ZHX1: variants seen among roughly 807,000 people sequenced by gnomAD.
The protein encoded by ZHX1 is zinc fingers and homeoboxes 1, also known as zinc fingers and homeoboxes protein 1.
ZHX1 carries 20 observed loss-of-function variants against 61.8 expected under a neutral mutation model. That is an observed-to-expected ratio of 0.32 (90% CI 0.23 to 0.47). ZHX1 has a LOEUF of 0.47. ZHX1 is among the 20% of genes least tolerant of loss of function. The pLI, the probability that ZHX1 is intolerant of heterozygous loss-of-function variation, is 1.00. For missense variants in ZHX1, 800 were observed against 1,034.8 expected (o/e 0.77, Z 3.11); for synonymous variants, 318 against 352.6 (o/e 0.90, Z 1.10).
At chr8:123,262,561 G>A (rs1826308718) in intron 2 of ZHX1, among the ~76,000 whole-genome samples, 1 of 152,036 alleles carries the variant, frequency 6.6e-6, no homozygotes, top group African/African-American at 2.4e-5. Flanking sequence ...TGCCCAGGCT[G>A]GTCTTGAACT....
At chr8:123,259,648 T>C (rs975175029) in intron 2 of ZHX1, among the ~76,000 whole-genome samples, 10 of 152,204 alleles carry the variant, frequency 6.6e-5, no homozygotes, top group African/African-American at 2.4e-4. Flanking sequence ...TAAAGGGAAT[T>C]GTTGAAAGGC....
intron 2 of ZHX1, among the ~76,000 whole-genome samples, chr8:123,262,446 A>G (rs1308978088): frequency 6.6e-6 from 1 of 152,204 alleles, no homozygotes; most frequent in Non-Finnish European, 1.5e-5. Flanking sequence ...AAAAATGAAA[A>G]TTTCACGAGA....
At chr8:123,260,948 G>A (rs1002209169) in intron 2 of ZHX1, among the ~76,000 whole-genome samples, 1 of 152,148 alleles carries the variant, frequency 6.6e-6, no homozygotes, top group Non-Finnish European at 1.5e-5. Flanking sequence ...CTTGAATCCG[G>A]GAGGTGGAGG....
chr8:123,258,427 A>T (rs1253165533), intron 2 of ZHX1, among the ~76,000 whole-genome samples: 1 of 152,242 alleles, frequency 6.6e-6, no homozygotes, highest in Non-Finnish European at 1.5e-5. Flanking sequence ...AGCTCTGGGT[A>T]TTCCTTTATA....
chr8:123,263,700 G>A (rs1826360379), intron 2 of ZHX1, among the ~76,000 whole-genome samples: 1 of 152,154 alleles, frequency 6.6e-6, no homozygotes, highest in Non-Finnish European at 1.5e-5. Context: ...TGAGTGTGGT[G>A]ATGGGTGCCT....
At chr8:123,265,954 A>G (rs1188613988) in intron 2 of ZHX1, among the ~76,000 whole-genome samples, 1 of 152,172 alleles carries the variant, frequency 6.6e-6, no homozygotes, top group African/African-American at 2.4e-5. Context: ...TAATGACACT[A>G]AAGATTAAAA....
Position 123,254,647 on chromosome 8 carries a change from C to T in ZHX1, c.1300G>A (p.Ala434Thr), listed in dbSNP as rs200803962. 252 of 1,614,126 alleles carry T rather than the reference C, an allele frequency of 1.6e-4. 2 individuals carry two copies. Among genetic ancestry groups the T allele is most frequent in the Admixed American group, 3.0e-4 (18 of 60,012 alleles). Reference protein sequence around the residue: ...NNIQKSQVPAAQPTAETKPAT... With the variant: ...NNIQKSQVPATQPTAETKPAT... ...GGCTTTGTTTCTGCAGTAGGCTGAG[C>T]AGCAGGTACCTGACTTTTCTGTATA... The change falls in exon 3 of 4, where the codon GCT becomes ACT. Residue 434 changes from alanine to threonine, a missense_variant. Physicochemically the swap from Ala to Thr is moderately conservative, Grantham distance 58 (BLOSUM62 0). Transcript: ENST00000395571. This position sits in a 1 kb window ranked among gnomAD's most constrained non-coding sequence, Gnocchi z 4.1.
At chr8:123,267,165 T>C in intron 2 of ZHX1, 108 bp downstream of exon 2, 2 of 1,048,868 alleles carry the variant, frequency 1.9e-6, no homozygotes, top group East Asian at 2.7e-5. Flanking sequence ...TGTCTGCTGC[T>C]TTTTAAGGAA....
Position 123,254,093 on chromosome 8 carries a change from C to G in ZHX1, c.1854G>C (p.Glu618Asp). 6.2e-7 allele frequency: 1 copy of G among 1,614,098 alleles called. No homozygotes were observed. The highest frequency in any genetic ancestry group is 8.5e-7 in the Non-Finnish European group (1 of 1,180,030). Residue 618 changes from glutamate to aspartate, a missense_variant, in exon 3 of 4, where the codon GAG (glutamate) becomes GAC (aspartate). Coordinates refer to ENST00000395571, the MANE Select transcript of ZHX1 (RefSeq NM_007222.5). The surrounding 1 kb of genome is among the most constrained non-coding windows in gnomAD (Gnocchi z 4.1). ...TRREIDAWFT[E>D]KKKSKALKEE... is the part of the protein sequence containing the mutation. ...CCTTTAAAGCTTTTGATTTCTTCTT[C>G]TCTGTAAACCAAGCATCGATTTCTC... is the stretch of plus-strand genomic sequence containing the variant.
At chr8:123,256,821 T>TTCCTACTGGTCTATCTCATCA (rs1165506466) in intron 2 of ZHX1, among the ~76,000 whole-genome samples, 9 of 152,118 alleles carry the variant, frequency 5.9e-5, no homozygotes, top group African/African-American at 2.2e-4. Context: ...TGTCCTCTTC[T>TTCCTACTGGTCTATCTCATCA]TCCTACTGGT....
chr8:123,272,359 T>C (rs1042856584), intron 1 of ZHX1, among the ~76,000 whole-genome samples: 2 of 152,226 alleles, frequency 1.3e-5, no homozygotes, highest in African/African-American at 4.8e-5. Flanking sequence ...ATAAAATTAG[T>C]CTGCTTAGCC....
At chr8:123,269,070 C>T (rs572848703) in intron 1 of ZHX1, among the ~76,000 whole-genome samples, 1 of 152,254 alleles carries the variant, frequency 6.6e-6, no homozygotes, top group Admixed American at 6.5e-5. Context: ...TCTCTGTAGC[C>T]TGGGACTCTA....
In ZHX1 at chr8:123,255,696, A is replaced by G; in HGVS notation, c.251T>C (p.Met84Thr). 1.2e-6 allele frequency: 2 copies of G among 1,613,908 alleles called. No homozygotes were observed. Among genetic ancestry groups the G allele is most frequent in the Non-Finnish European group, 1.7e-6 (2 of 1,179,910 alleles). The part of the protein sequence containing the change: ...YCTFQTPDLN[M>T]FTFHVDSEHP... The stretch of plus-strand genomic sequence containing the variant: ...TTCCGAATCCACATGAAAAGTAAAC[A>G]TATTTAGATCTGGAGTTTGAAAAGT... Residue 84 changes from methionine (M) to threonine (T), a missense_variant, in exon 3 of 4, where the codon ATG (methionine) becomes ACG (threonine). By Grantham distance (81) the Met-to-Thr change is moderately conservative. Transcript: ENST00000395571.
rs762258094 is a variant in ZHX1 at position 123,254,637 on chromosome 8, G to A, written c.1310C>T (p.Thr437Ile). 23 of 1,614,074 alleles carry A rather than the reference G, an allele frequency of 1.4e-5. No individual in the cohort carries two copies. The African/African-American group carries it at 1.7e-4, about 12-fold the overall frequency. The change falls in exon 3 of 4, where the codon ACT (threonine) becomes ATT (isoleucine). Residue 437 changes from threonine to isoleucine, a missense_variant. Coordinates refer to ENST00000395571, the MANE Select transcript of ZHX1 (RefSeq NM_007222.5). This position sits in a 1 kb window ranked among gnomAD's most constrained non-coding sequence, Gnocchi z 4.1. Reference protein sequence around the residue: ...QKSQVPAAQPTAETKPATAAV... With the variant: ...QKSQVPAAQPIAETKPATAAV... ...TGCTGTTGCTGGCTTTGTTTCTGCA[G>A]TAGGCTGAGCAGCAGGTACCTGACT... is the stretch of plus-strand genomic sequence containing the variant.
chr8:123,263,788 C>G (rs1205086722), intron 2 of ZHX1, among the ~76,000 whole-genome samples: 3 of 151,756 alleles, frequency 2.0e-5, no homozygotes, highest in African/African-American at 7.3e-5. Flanking sequence ...GAGCCGAGAT[C>G]GCGCCACTGC....
In ZHX1 at chr8:123,255,548, C is replaced by T. The variant is rs180694739; in HGVS notation, c.399G>A (p.Leu133=). The T allele has an allele frequency of 1.4e-4, 224 of 1,612,996 alleles. 1 individual carries two copies. Among genetic ancestry groups the T allele is most frequent in the Middle Eastern group, 5.0e-4 (3 of 6,060 alleles). Residue 133 remains leucine (L), a synonymous_variant, in exon 3 of 4, where the codon TTG becomes TTA. Coordinates refer to ENST00000395571, the MANE Select transcript of ZHX1 (RefSeq NM_007222.5). ...TCTGGTTATTACGTTTCACCATAGT[C>T]AACTTAAAATTCTCTTCTCCTGGGT... ...KYHPGEENFK[L]TMVKRNNQTI...
intron 2 of ZHX1, among the ~76,000 whole-genome samples, 167 bp from the exon 3 acceptor site, chr8:123,256,338 C>T (rs1268427208): frequency 6.6e-6 from 1 of 152,150 alleles, no homozygotes; most frequent in Admixed American, 6.5e-5. Flanking sequence ...AAATAAATCT[C>T]TCCAGGCCAA....
Position 123,254,842 on chromosome 8 carries a change from C to G in ZHX1, c.1105G>C (p.Val369Leu). 1 of 1,614,170 alleles carries G rather than the reference C, an allele frequency of 6.2e-7. No individual in the cohort carries two copies. The highest frequency in any genetic ancestry group is 8.5e-7 in the Non-Finnish European group (1 of 1,180,024). The part of the protein sequence containing the change: ...TVHTVPQTIT[V>L]IPTHISTGSN... ...CCTGTGGAAATGTGTGTAGGAATAA[C>G]AGTTATGGTCTGAGGTACAGTATGC... The change falls in exon 3 of 4, where the codon GTT (valine) becomes CTT (leucine). Residue 369 changes from valine (V) to leucine (L), a missense_variant. Val to Leu is a conservative substitution (Grantham distance 32, BLOSUM62 1). Transcript: ENST00000395571. The surrounding 1 kb of genome is among the most constrained non-coding windows in gnomAD (Gnocchi z 4.1).
At chr8:123,268,074 G>A (rs1181267854) in intron 1 of ZHX1, among the ~76,000 whole-genome samples, 1 of 152,166 alleles carries the variant, frequency 6.6e-6, no homozygotes, top group Non-Finnish European at 1.5e-5. Context: ...AATGGGAGTA[G>A]TTGTATATGT....
Sources: gnomAD v4.1 joint callset for allele counts (sites outside exome capture counted in the v4.1 genomes callset) on GRCh38, gnomAD v4.1.1 for gene constraint, Gnocchi (gnomAD v3.1) non-coding constraint, MANE v1.5 for transcripts, NCBI Gene and HGNC (gene_info 2026-07-23, HGNC 2026-07-21) for gene names.